The following RBP3 variants were observed in gnomAD, a reference collection of about 807,000 sequenced individuals.
The protein encoded by RBP3 is retinol binding protein 3, also known as retinol-binding protein 3.
In RBP3, 50 loss-of-function variants were observed where a neutral mutation model predicts 64.8. The ratio of observed to expected loss-of-function variants is 0.77; its 90% confidence interval spans 0.61 to 0.98. The LOEUF is 0.98. RBP3 is among the 50% of genes least tolerant of loss of function. RBP3 has a pLI of 0.00. For synonymous variants in RBP3, 828 were observed against 730.2 expected (o/e 1.13, Z -2.16); for missense variants, 1,712 against 1,660.5 (o/e 1.03, Z -0.54).
chr10:47,357,276 T>A lies in RBP3; in HGVS notation c.3563T>A (p.Leu1188His). The change falls in exon 4 of 4, where the codon CTC (leucine) becomes CAC (histidine). Residue 1188 changes from leucine to histidine, a missense_variant. Coordinates refer to ENST00000584701, the MANE Select transcript of RBP3 (RefSeq NM_002900.3). ...PQTYHVDDTN[L>H]YLTIPTARSV... ...ACCTACCACGTGGATGACACCAACC[T>A]CTACCTCACTATCCCCACGGCCCGT... The A allele has an allele frequency of 1.9e-6, 3 of 1,614,078 alleles. No individual in the cohort carries two copies. Among genetic ancestry groups the A allele is most frequent in the Non-Finnish European group, 2.5e-6 (3 of 1,179,998 alleles).
chr10:47,349,869 G>T lies in RBP3; in HGVS notation c.1385G>T (p.Arg462Leu). The stretch of plus-strand genomic sequence containing the variant: ...GGTGTGTTGGCCCCATATGTCCTGC[G>T]CCAGGTGTGGGAGCCGCTACAGGAC... ...VLGVLAPYVL[R>L]QVWEPLQDTE... The change falls in exon 1 of 4, where the codon CGC (arginine) becomes CTC (leucine). Residue 462 changes from arginine to leucine, a missense_variant. Physicochemically the swap from Arg to Leu is moderately radical, Grantham distance 102. Transcript: ENST00000584701. The T allele has an allele frequency of 6.2e-7, 1 of 1,613,150 alleles. No individual in the cohort carries two copies. The highest frequency in any genetic ancestry group is 8.5e-7 in the Non-Finnish European group (1 of 1,179,994).
At position 47,350,750 on chromosome 10, in the gene RBP3, A is replaced by G. The variant is rs782692325; in HGVS notation, c.2266A>G (p.Thr756Ala). The G allele has an allele frequency of 6.2e-7, 1 of 1,613,116 alleles. No individual in the cohort carries two copies. The highest frequency in any genetic ancestry group is 1.1e-5 in the South Asian group (1 of 91,078). The change falls in exon 1 of 4, where the codon ACA (threonine) becomes GCA (alanine). Residue 756 changes from threonine (T) to alanine (A), a missense_variant. Thr to Ala is a moderately conservative substitution (Grantham distance 58). Coordinates refer to ENST00000584701, the MANE Select transcript of RBP3 (RefSeq NM_002900.3). ...LRFDAMAELE[T>A]VKAVGPQLVR... ...TTTTGACGCCATGGCTGAACTGGAG[A>G]CAGTGAAGGCCGTGGGGCCACAGCT...
At chr10:47,352,214 G>T (rs1487894339) in intron 1 of RBP3, among the ~76,000 whole-genome samples, 1 of 152,204 alleles carries the variant, frequency 6.6e-6, no homozygotes, top group Non-Finnish European at 1.5e-5. Flanking sequence ...GAAGCTGACA[G>T]GCAGGTGCCT....
chr10:47,357,296 GC>G lies in RBP3; in HGVS notation c.3586del (p.Arg1196ValfsTer16). On this transcript the variant is annotated frameshift_variant, in exon 4 of 4. Coordinates refer to ENST00000584701, the MANE Select transcript of RBP3 (RefSeq NM_002900.3). LOFTEE classifies it low-confidence loss of function (END_TRUNC). Reference protein sequence around the residue: ...DTNLYLTIPTARSVGASDGSS... With the variant: ...DTNLYLTIPTXRSVGASDGSS... ...CAACCTCTACCTCACTATCCCCACG[GC>G]CCGTTCTGTGGGGGCCTCGGATGGC... The G allele has an allele frequency of 1.2e-6, 2 of 1,614,158 alleles. No individual in the cohort carries two copies. The highest frequency in any genetic ancestry group is 2.2e-5 in the East Asian group (1 of 44,884).
At chr10:47,356,195 C>A (rs1555211964) in intron 3 of RBP3, among the ~76,000 whole-genome samples, 3 of 152,134 alleles carry the variant, frequency 2.0e-5, no homozygotes, top group African/African-American at 7.2e-5. Flanking sequence ...AACACCCCAC[C>A]ATTTTCATGT....
rs1836915981 is a variant in RBP3, at chr10:47,349,488, A to G, written c.1004A>G (p.Glu335Gly). ...CCAGGGGTAGTCCACTGCCTCCAGG[A>G]GGTCCTGAAGGACTACTACACGCTG... ...ALPGVVHCLQ[E>G]VLKDYYTLVD... Residue 335 changes from glutamate (E) to glycine (G), a missense_variant, in exon 1 of 4, where the codon GAG becomes GGG. Glu to Gly is a moderately conservative substitution (Grantham distance 98). Coordinates refer to ENST00000584701, the MANE Select transcript of RBP3 (RefSeq NM_002900.3). 2 of 1,612,932 alleles carry G rather than the reference A, an allele frequency of 1.2e-6. No individual in the cohort carries two copies. The highest frequency in any genetic ancestry group is 1.7e-6 in the Non-Finnish European group (2 of 1,180,024).
chr10:47,353,578 C>G lies in RBP3; in HGVS notation c.3245+63C>G, dbSNP rs373599928. 39 of 1,579,144 alleles carry G rather than the reference C, an allele frequency of 2.5e-5. 1 individual carries two copies. The African/African-American group carries it at 3.5e-4, about 14-fold the overall frequency. ...CAGGGCTGCCAGGGGACAGTCAAAGCTATGGGCCACAGCAGGGAAGAAAAG... is the reference window on the plus strand; with the variant it reads ...CAGGGCTGCCAGGGGACAGTCAAAGGTATGGGCCACAGCAGGGAAGAAAAG... On this transcript the variant is annotated intron_variant, in intron 2 of 3. Transcript: ENST00000584701.
chr10:47,350,871 T>C lies in RBP3; in HGVS notation c.2387T>C (p.Leu796Pro). 6.2e-7 allele frequency: 1 copy of C among 1,612,812 alleles called. No individual in the cohort carries two copies. Among genetic ancestry groups the C allele is most frequent in the Non-Finnish European group, 8.5e-7 (1 of 1,179,952 alleles). ...PGSYSTAIPL[L>P]CSYFFEAEPR... ...AGCTACTCCACGGCCATCCCGCTGC[T>C]CTGCTCCTACTTCTTTGAGGCAGAG... Residue 796 changes from leucine (L) to proline (P), a missense_variant, in exon 1 of 4, where the codon CTC becomes CCC. Leu to Pro is a moderately conservative substitution (Grantham distance 98). Coordinates refer to ENST00000584701, the MANE Select transcript of RBP3 (RefSeq NM_002900.3).
rs1839664754 is a variant in RBP3, at chr10:47,348,393, A to G, written c.-92A>G. The G allele has an allele frequency of 3.5e-6, 5 of 1,439,190 alleles. No homozygotes were observed. The Admixed American group carries it at 5.8e-5, about 17-fold the overall frequency. 89.2% of individuals were successfully genotyped at this position (1,439,190 alleles called of 1,614,324 possible). ...TTCTGTCCACCAGCTGAGAAGGACA[A>G]GGGCGGAAGGCAGCTGCACAGAGCA... On this transcript the variant is annotated 5_prime_UTR_variant, in exon 1 of 4. Transcript: ENST00000584701.
In RBP3 at chr10:47,349,884, C is replaced by A; in HGVS notation, c.1400C>A (p.Pro467Gln). The A allele has an allele frequency of 1.2e-6, 2 of 1,613,156 alleles. No homozygotes were observed. The highest frequency in any genetic ancestry group is 1.7e-6 in the Non-Finnish European group (2 of 1,179,998). The change falls in exon 1 of 4, where the codon CCG becomes CAG. Residue 467 changes from proline (P) to glutamine (Q), a missense_variant. Pro to Gln is a moderately conservative substitution (Grantham distance 76, BLOSUM62 -1). Transcript: ENST00000584701. ...TATGTCCTGCGCCAGGTGTGGGAGC[C>A]GCTACAGGACACGGAGCACCTCATC... is the stretch of plus-strand genomic sequence containing the variant. ...APYVLRQVWEPLQDTEHLIMD... is the reference protein window; with the variant it reads ...APYVLRQVWEQLQDTEHLIMD...
chr10:47,351,060 T>C lies in RBP3; in HGVS notation c.2576T>C (p.Met859Thr), dbSNP rs1294630384. Residue 859 changes from methionine (M) to threonine (T), a missense_variant, in exon 1 of 4, where the codon ATG (methionine) becomes ACG (threonine). Met to Thr is a moderately conservative substitution (Grantham distance 81). Coordinates refer to ENST00000584701, the MANE Select transcript of RBP3 (RefSeq NM_002900.3). ...GCGGCCGAGGCCTTTGCACACACCA[T>C]GCAGGACCTGCAGCGGGCCACGGTC... ...GSAAEAFAHT[M>T]QDLQRATVIG... 1 of 1,611,496 alleles carries C rather than the reference T, an allele frequency of 6.2e-7. No homozygotes were observed. Among genetic ancestry groups the C allele is most frequent in the East Asian group, 2.2e-5 (1 of 44,868 alleles).
At position 47,357,422 on chromosome 10, in the gene RBP3, G is replaced by C. The variant is rs2132259366; in HGVS notation, c.3709G>C (p.Val1237Leu). 1 of 1,613,734 alleles carries C rather than the reference G, an allele frequency of 6.2e-7. No homozygotes were observed. The highest frequency in any genetic ancestry group is 8.5e-7 in the Non-Finnish European group (1 of 1,179,858). Reference protein sequence around the residue: ...KEMLQHNQLRVKRSPGLQDHL With the variant: ...KEMLQHNQLRLKRSPGLQDHL ...GATGCTCCAGCACAACCAGCTGAGGGTGAAGCGGAGCCCAGGCCTGCAGGA... is the reference window on the plus strand; with the variant it reads ...GATGCTCCAGCACAACCAGCTGAGGCTGAAGCGGAGCCCAGGCCTGCAGGA... Residue 1237 changes from valine (V) to leucine (L), a missense_variant, in exon 4 of 4, where the codon GTG becomes CTG. By Grantham distance (32) the Val-to-Leu change is conservative. Transcript: ENST00000584701.
rs782613785 is a variant in RBP3 at position 47,349,232 on chromosome 10, C to G, written c.748C>G (p.Arg250Gly). The G allele has an allele frequency of 5.6e-6, 9 of 1,613,276 alleles. No homozygotes were observed. The highest frequency in any genetic ancestry group is 7.6e-6 in the Non-Finnish European group (9 of 1,180,024). The change falls in exon 1 of 4, where the codon CGC becomes GGC. Residue 250 changes from arginine to glycine, a missense_variant. Coordinates refer to ENST00000584701, the MANE Select transcript of RBP3 (RefSeq NM_002900.3). ...EDIAHILKQM[R>G]RAIVVGERTG... ...CATCGCGCACATCCTTAAGCAGATG[C>G]GCAGGGCCATCGTGGTGGGCGAGCG...
At position 47,355,538 on chromosome 10, in the gene RBP3, C is replaced by A. The variant is rs782585591; in HGVS notation, c.3388+20C>A. On this transcript the variant is annotated intron_variant, in intron 3 of 3. Coordinates refer to ENST00000584701, the MANE Select transcript of RBP3 (RefSeq NM_002900.3). ...TTGTAGGTACGTGGAGAAGCTTTCTCCTTTCTGCTGTCATTCTAGAAGCTT... is the reference window on the plus strand; with the variant it reads ...TTGTAGGTACGTGGAGAAGCTTTCTACTTTCTGCTGTCATTCTAGAAGCTT... 6.2e-7 allele frequency: 1 copy of A among 1,614,096 alleles called. No homozygotes were observed. Among genetic ancestry groups the A allele is most frequent in the South Asian group, 1.1e-5 (1 of 91,066 alleles).
In RBP3 at chr10:47,350,123, A is replaced by G. The variant is rs1836938966; in HGVS notation, c.1639A>G (p.Thr547Ala). Residue 547 changes from threonine to alanine, a missense_variant, in exon 1 of 4, where the codon ACG (threonine) becomes GCG (alanine). Thr to Ala is a moderately conservative substitution (Grantham distance 58). Coordinates refer to ENST00000584701, the MANE Select transcript of RBP3 (RefSeq NM_002900.3). ...TCTGCTCACCAGCCACCGCACCGCC[A>G]CGGCCGCGGAGGAGTTCGCCTTCCT... ...VYLLTSHRTA[T>A]AAEEFAFLMQ... The G allele has an allele frequency of 6.2e-7, 1 of 1,612,938 alleles. No individual in the cohort carries two copies. The highest frequency in any genetic ancestry group is 8.5e-7 in the Non-Finnish European group (1 of 1,179,976).
chr10:47,349,750 G>T lies in RBP3; in HGVS notation c.1266G>T (p.Arg422=), dbSNP rs1555211185. The change falls in exon 1 of 4, where the codon CGG becomes CGT. Residue 422 remains arginine (R), a synonymous_variant. Coordinates refer to ENST00000584701, the MANE Select transcript of RBP3 (RefSeq NM_002900.3). ...APELPEDEAI[R]QALVDSVFQV... is the part of the protein sequence containing the mutation. Reference sequence around the variant, plus strand: ...AGTTGCCTGAGGACGAGGCTATCCGGCAAGCACTGGTGGACTCTGTGTTCC... The same window carrying T: ...AGTTGCCTGAGGACGAGGCTATCCGTCAAGCACTGGTGGACTCTGTGTTCC... 1 of 1,612,726 alleles carries T rather than the reference G, an allele frequency of 6.2e-7. No individual in the cohort carries two copies. The highest frequency in any genetic ancestry group is 1.3e-5 in the African/African-American group (1 of 74,928).
rs782136590 is a variant in RBP3, at chr10:47,349,469, G to T, written c.985G>T (p.Val329Leu). The change falls in exon 1 of 4, where the codon GTA (valine) becomes TTA (leucine). Residue 329 changes from valine to leucine, a missense_variant. Val to Leu is a conservative substitution (Grantham distance 32). Transcript: ENST00000584701. ...ILTLRSALPG[V>L]VHCLQEVLKD... ...CACTCTGCGCAGCGCCCTTCCAGGG[G>T]TAGTCCACTGCCTCCAGGAGGTCCT... The T allele has an allele frequency of 5.6e-6, 9 of 1,612,658 alleles. No individual in the cohort carries two copies. The highest frequency in any genetic ancestry group is 7.6e-6 in the Non-Finnish European group (9 of 1,180,026).
At chr10:47,353,812 AAGG>A (rs1446041034) in intron 2 of RBP3, among the ~76,000 whole-genome samples, 1 of 152,158 alleles carries the variant, frequency 6.6e-6, no homozygotes, top group Admixed American at 6.5e-5. Context: ...GGAGGAGAGG[AAGG>A]AGATGTTAAA....
rs782150414 is a variant in RBP3, at chr10:47,349,244, G to A, written c.760G>A (p.Val254Met). ...CCTTAAGCAGATGCGCAGGGCCATC[G>A]TGGTGGGCGAGCGGACTGGGGGAGG... is the stretch of plus-strand genomic sequence containing the variant. ...HILKQMRRAI[V>M]VGERTGGGAL... Residue 254 changes from valine (V) to methionine (M), a missense_variant, in exon 1 of 4, where the codon GTG becomes ATG. Physicochemically the swap from Val to Met is conservative, Grantham distance 21. Coordinates refer to ENST00000584701, the MANE Select transcript of RBP3 (RefSeq NM_002900.3). The A allele has an allele frequency of 6.8e-6, 11 of 1,613,190 alleles. No homozygotes were observed. The highest frequency in any genetic ancestry group is 6.7e-5 in the East Asian group (3 of 44,894).
Sources: allele counts gnomAD v4.1 joint callset (sites outside exome capture counted in the v4.1 genomes callset), GRCh38; gene constraint gnomAD v4.1.1; transcripts MANE v1.5; gene names NCBI Gene and HGNC (gene_info 2026-07-23, HGNC 2026-07-21).